ZNF385D: variants seen among roughly 807,000 people sequenced by gnomAD.
ZNF385D encodes zinc finger protein 659.
A neutral mutation model predicts 35.8 loss-of-function variants in ZNF385D; 15 were observed. The ratio of observed to expected loss-of-function variants is 0.42; its 90% confidence interval spans 0.28 to 0.64. ZNF385D has a LOEUF of 0.64. Ranked by LOEUF, ZNF385D falls within the 30% of genes least tolerant of loss-of-function variation. ZNF385D has a pLI of 0.23. For missense variants in ZNF385D, 474 were observed against 494.6 expected, an observed-to-expected ratio of 0.96 and a Z score of 0.39; for synonymous variants, 212 against 186.8, an observed-to-expected ratio of 1.13 and a Z score of -1.10.
At chr3:21,964,410 T>C (rs1702765317) in intron 3 of ZNF385D, among the ~76,000 whole-genome samples, 1 of 89,298 alleles carries the variant, frequency 1.1e-5, no homozygotes, top group Non-Finnish European at 2.3e-5. Flanking sequence ...TGGTCCTTTT[T>C]GTAAAAAAAA....
chr3:21,994,808 G>C (rs912275960), intron 3 of ZNF385D, among the ~76,000 whole-genome samples: 8 of 152,202 alleles, frequency 5.3e-5, no homozygotes, highest in Non-Finnish European at 2.9e-5. Context: ...GCTGTAATAT[G>C]CATCAATAGT....
intron 1 of ZNF385D, among the ~76,000 whole-genome samples, chr3:21,666,545 A>G (rs1477387688): frequency 1.3e-5 from 2 of 152,208 alleles, no homozygotes; most frequent in Non-Finnish European, 2.9e-5. Context: ...CAGATGTCAA[A>G]ACAAGTAGAG....
intron 3 of ZNF385D, among the ~76,000 whole-genome samples, chr3:21,869,998 CTG>C (rs1236431169): frequency 1.3e-5 from 2 of 151,972 alleles, no homozygotes; most frequent in African/African-American, 4.8e-5. Flanking sequence ...TTATATCCCA[CTG>C]TGGATTTTTT....
At chr3:21,830,885 A>T (rs1237711459) in intron 3 of ZNF385D, among the ~76,000 whole-genome samples, 1 of 152,190 alleles carries the variant, frequency 6.6e-6, no homozygotes, top group South Asian at 2.1e-4. Flanking sequence ...CCATTGATCC[A>T]ATTTATTCAC....
At chr3:22,361,851 C>T (rs930694782) in intron 2 of ZNF385D, among the ~76,000 whole-genome samples, 1 of 151,864 alleles carries the variant, frequency 6.6e-6, no homozygotes, top group African/African-American at 2.4e-5. Context: ...GGCCTACCCA[C>T]CTAATTTGTG....
rs370764306 is a variant in ZNF385D at position 22,213,701 on chromosome 3, G to A, written c.107-44666C>T. On this transcript the variant is annotated intron_variant, in intron 2 of 5. Coordinates refer to the ZNF385D transcript ENST00000494108. Reference sequence around the variant, plus strand: ...TCATTAAGTCACTATAACTCCAAAAGTTTGAGGACAAATTTTCCATGGACC... The same window carrying A: ...TCATTAAGTCACTATAACTCCAAAAATTTGAGGACAAATTTTCCATGGACC... 2.6e-4 allele frequency among the ~76,000 whole-genome samples: 39 copies of A among 152,066 alleles called. 2 individuals are homozygous for A. In the South Asian group the frequency reaches 7.9e-3, roughly 31 times the overall value.
At chr3:21,927,766 T>G (rs1259558419) in intron 3 of ZNF385D, among the ~76,000 whole-genome samples, 2 of 152,134 alleles carry the variant, frequency 1.3e-5, no homozygotes, top group Admixed American at 1.3e-4. Context: ...TAGGGGACAT[T>G]TTATTAGGGA....
At chr3:22,324,189 T>C (rs1043681122) in intron 2 of ZNF385D, among the ~76,000 whole-genome samples, 15 of 152,178 alleles carry the variant, frequency 9.9e-5, no homozygotes, top group Admixed American at 3.3e-4. Flanking sequence ...TGAAATAATT[T>C]TGGTGCTCCT....
At chr3:21,676,815 A>G (rs2066744758) in intron 1 of ZNF385D, among the ~76,000 whole-genome samples, 1 of 151,666 alleles carries the variant, frequency 6.6e-6, no homozygotes, top group Non-Finnish European at 1.5e-5. Flanking sequence ...ATTGTATTAT[A>G]CCTCTCTCCT....
intron 3 of ZNF385D, among the ~76,000 whole-genome samples, chr3:21,816,172 A>G (rs1329012775): frequency 6.6e-6 from 1 of 152,200 alleles, no homozygotes; most frequent in African/African-American, 2.4e-5. Flanking sequence ...TATTGATGGG[A>G]CGTATCTCAA....
intron 2 of ZNF385D, among the ~76,000 whole-genome samples, chr3:22,242,365 C>T (rs1216624108): frequency 6.6e-6 from 1 of 151,002 alleles, no homozygotes; most frequent in East Asian, 1.9e-4. Context: ...TATCAAAACA[C>T]AGCTAGAGAA....
chr3:21,876,697 ATT>A (rs201353223), intron 3 of ZNF385D, among the ~76,000 whole-genome samples: 1 of 147,038 alleles, frequency 6.8e-6, no homozygotes, highest in African/African-American at 2.5e-5. Context: ...TATATTTTTG[ATT>A]TTTTTTTTTA....
At chr3:21,547,357 G>A (rs562840546) in intron 3 of ZNF385D, among the ~76,000 whole-genome samples, 1 of 152,034 alleles carries the variant, frequency 6.6e-6, no homozygotes, top group Non-Finnish European at 1.5e-5. Flanking sequence ...TTTTTTAGCT[G>A]TTCTTACCCC....
At chr3:22,103,159 G>T (rs751887544) in intron 3 of ZNF385D, among the ~76,000 whole-genome samples, 1 of 148,090 alleles carries the variant, frequency 6.8e-6, no homozygotes, top group Admixed American at 6.7e-5. Context: ...AAGATACTGC[G>T]GTTGTACAAA....
At chr3:21,562,044 C>T (rs541720230) in intron 3 of ZNF385D, 1 of 123,746 alleles carries the variant, frequency 8.1e-6, no homozygotes, top group African/African-American at 3.6e-5. Flanking sequence ...AGTGATTAGT[C>T]CATATCTCCA....
intron 2 of ZNF385D, among the ~76,000 whole-genome samples, chr3:21,565,101 A>C (rs2063097282): frequency 6.6e-6 from 1 of 152,212 alleles, no homozygotes; most frequent in African/African-American, 2.4e-5. Flanking sequence ...ATGAAAATAA[A>C]TTATACACCA....
chr3:21,975,878 T>A (rs1703587176), intron 3 of ZNF385D, among the ~76,000 whole-genome samples: 1 of 151,732 alleles, frequency 6.6e-6, no homozygotes, highest in Non-Finnish European at 1.5e-5. Flanking sequence ...GTCATCTGAT[T>A]AACTACACAG....
intron 2 of ZNF385D, among the ~76,000 whole-genome samples, chr3:22,274,793 T>C (rs1217771926): frequency 6.6e-6 from 1 of 151,376 alleles, no homozygotes; most frequent in African/African-American, 2.4e-5. Flanking sequence ...ACTTTTTTTT[T>C]TTTTTTAAAA....
At chr3:22,197,986 G>A (rs1016596201) in intron 2 of ZNF385D, among the ~76,000 whole-genome samples, 1 of 152,020 alleles carries the variant, frequency 6.6e-6, no homozygotes, top group African/African-American at 2.4e-5. Flanking sequence ...GTTAGAAGGC[G>A]ATGTCCCCTT....
Sources: gnomAD v4.1 joint callset for allele counts (sites outside exome capture counted in the v4.1 genomes callset) on GRCh38, gnomAD v4.1.1 for gene constraint, MANE v1.5 for transcripts, NCBI Gene and HGNC (gene_info 2026-07-23, HGNC 2026-07-21) for gene names.